Variants in SLC68A1 observed in about 807,000 individuals in gnomAD.
SLC68A1 encodes major facilitator superfamily domain containing 13A.
the SLC68A1 span, chr10:102,475,666 C>T: frequency 6.5e-7 from 1 of 1,528,116 alleles, no homozygotes; most frequent in Non-Finnish European, 8.8e-7. Flanking sequence ...TTGGAGGGCA[C>T]CAAGGCTTGG....
At chr10:102,469,605 G>A in the SLC68A1 span, among the ~76,000 whole-genome samples, 1 of 144,744 alleles carries the variant, frequency 6.9e-6, no homozygotes, top group East Asian at 2.0e-4. Flanking sequence ...GGAGTGCAAT[G>A]GCGCAATCTC....
At chr10:102,470,733 C>T in the SLC68A1 span, 19 of 1,613,518 alleles carry the variant, frequency 1.2e-5, no homozygotes, top group Middle Eastern at 3.3e-4. Context: ...TGGCATGGGC[C>T]GCTGCTGGCG....
At chr10:102,474,171 G>T in the SLC68A1 span, among the ~76,000 whole-genome samples, 1 of 152,254 alleles carries the variant, frequency 6.6e-6, no homozygotes, top group Non-Finnish European at 1.5e-5. Context: ...ATTCCGCCAT[G>T]CTTTCTTAGT....
the SLC68A1 span, chr10:102,476,124 G>C: frequency 3.0e-6 from 4 of 1,311,836 alleles, no homozygotes; most frequent in Non-Finnish European, 3.9e-6. Flanking sequence ...TGGATCTGTT[G>C]CAGTGGTGCA....
chr10:102,471,406 G>T, the SLC68A1 span: 1 of 1,607,450 alleles, frequency 6.2e-7, no homozygotes, highest in Non-Finnish European at 8.5e-7. Flanking sequence ...GGTATGGGGA[G>T]CAGCTCCCGG....
chr10:102,476,830 C>T, the SLC68A1 span: 1 of 985,694 alleles, frequency 1.0e-6, no homozygotes, highest in Non-Finnish European at 1.2e-6. Flanking sequence ...TTTAATACTG[C>T]AACTGCTCCC....
the SLC68A1 span, among the ~76,000 whole-genome samples, chr10:102,469,578 CTT>C: frequency 6.7e-6 from 1 of 148,866 alleles, no homozygotes; most frequent in Non-Finnish European, 1.5e-5. Flanking sequence ...TGGAGTTTCA[CTT>C]TTGTCTCACA....
the SLC68A1 span, chr10:102,476,734 T>A: frequency 1.0e-5 from 10 of 986,238 alleles, no homozygotes; most frequent in Middle Eastern, 5.2e-4. Flanking sequence ...GGCTGCCCTG[T>A]GGTGCACACA....
At chr10:102,470,588 C>T in the SLC68A1 span, 1 of 1,551,078 alleles carries the variant, frequency 6.4e-7, no homozygotes. Flanking sequence ...CATCCCTCCC[C>T]TGGGGCCTGG....
chr10:102,469,389 T>A, the SLC68A1 span, among the ~76,000 whole-genome samples: 2 of 152,146 alleles, frequency 1.3e-5, no homozygotes, highest in Admixed American at 1.3e-4. Context: ...GGGACTAGAC[T>A]AGCTTTCCTG....
At chr10:102,469,215 T>TAG in the SLC68A1 span, 1 of 1,610,726 alleles carries the variant, frequency 6.2e-7, no homozygotes, top group East Asian at 2.2e-5. Context: ...CAGTGCTGGG[T>TAG]GGCTAACATG....
chr10:102,473,657 T>A, the SLC68A1 span: 2 of 1,613,868 alleles, frequency 1.2e-6, no homozygotes, highest in African/African-American at 2.7e-5. Context: ...GTGCGGGGGC[T>A]CTTCCTGCTC....
chr10:102,467,209 T>C, the SLC68A1 span, among the ~76,000 whole-genome samples: 24 of 152,196 alleles, frequency 1.6e-4, no homozygotes, highest in Non-Finnish European at 2.9e-4. Context: ...CTAATTTTTG[T>C]ATTTTTAGTA....
At chr10:102,473,265 G>A in the SLC68A1 span, among the ~76,000 whole-genome samples, 6 of 152,122 alleles carry the variant, frequency 3.9e-5, no homozygotes, top group Admixed American at 2.0e-4. Context: ...GGGTGCAGTG[G>A]CTGGTTAACA....
chr10:102,475,937 C>G, the SLC68A1 span: 6 of 1,613,054 alleles, frequency 3.7e-6, 1 homozygote, highest in South Asian at 5.5e-5. Context: ...CAAGGCCCAG[C>G]GCCAGAACCT....
the SLC68A1 span, among the ~76,000 whole-genome samples, chr10:102,474,458 C>T: frequency 6.6e-6 from 1 of 151,862 alleles, no homozygotes; most frequent in South Asian, 2.1e-4. Flanking sequence ...AGAAGGTGCC[C>T]CTCAGGATGT....
the SLC68A1 span, among the ~76,000 whole-genome samples, chr10:102,465,760 T>C: frequency 6.6e-6 from 1 of 152,072 alleles, no homozygotes; most frequent in Non-Finnish European, 1.5e-5. Flanking sequence ...CTGGGGCAGA[T>C]TGAGGGTGGG....
chr10:102,464,789 C>CAAA, the SLC68A1 span, among the ~76,000 whole-genome samples: 863 of 120,296 alleles, frequency 7.2e-3, 17 homozygotes, highest in South Asian at 0.028. Context: ...GACTCTGTCT[C>CAAA]AAAAAAAAAA....
the SLC68A1 span, chr10:102,469,196 AG>A: frequency 6.2e-7 from 1 of 1,610,652 alleles, no homozygotes; most frequent in Non-Finnish European, 8.5e-7. Flanking sequence ...TGGGTCGGAG[AG>A]GTAGGGCCAG....
Sources: gnomAD v4.1 joint callset for allele counts (sites outside exome capture counted in the v4.1 genomes callset) on GRCh38, gnomAD v4.1.1 for gene constraint, MANE v1.5 for transcripts, NCBI Gene and HGNC (gene_info 2026-07-23, HGNC 2026-07-21) for gene names.